KAZN: variants seen among roughly 807,000 people sequenced by gnomAD.
The protein encoded by KAZN is kazrin.
A neutral mutation model predicts 87.4 loss-of-function variants in KAZN; 40 were observed. The ratio of observed to expected loss-of-function variants is 0.46; its 90% CI spans 0.36 to 0.60. The LOEUF is 0.60. Among genes scored for constraint, KAZN ranks in the 20% least tolerant of loss-of-function variants. KAZN has a pLI of 0.00. For synonymous variants in KAZN, 466 were observed against 458.3 expected (o/e 1.02, Z -0.22); for missense variants, 898 against 1,073.9 (o/e 0.84, Z 2.29).
At chr1:14,940,755 A>G (rs1422169396) in intron 1 of KAZN, among the ~76,000 whole-genome samples, 1 of 152,258 alleles carries the variant, frequency 6.6e-6, no homozygotes, top group East Asian at 1.9e-4. Context: ...ACTCAAAGCC[A>G]TCAGGCAGCC....
At chr1:14,032,565 A>C (rs1641373884) in intron 1 of KAZN, among the ~76,000 whole-genome samples, 1 of 152,166 alleles carries the variant, frequency 6.6e-6, no homozygotes, top group Admixed American at 6.5e-5. Flanking sequence ...AAATGACTGC[A>C]GCAGGTTCCT....
intron 2 of KAZN, among the ~76,000 whole-genome samples, chr1:14,228,215 A>T (rs1311702737): frequency 5.3e-5 from 8 of 152,186 alleles, no homozygotes; most frequent in Admixed American, 2.0e-4. Flanking sequence ...GATGGCAATG[A>T]CAGCAGCAGT....
chr1:14,129,288 C>T (rs1052479298), intron 1 of KAZN, among the ~76,000 whole-genome samples: 2 of 152,190 alleles, frequency 1.3e-5, no homozygotes, highest in Admixed American at 6.5e-5. Context: ...TCTTTGGACC[C>T]CAGCTTTGTG....
chr1:14,347,257 A>G (rs908315589), intron 2 of KAZN, among the ~76,000 whole-genome samples: 2 of 152,210 alleles, frequency 1.3e-5, no homozygotes, highest in Non-Finnish European at 2.9e-5. Context: ...CCAGACTACC[A>G]TGAGCATGCT....
intron 2 of KAZN, among the ~76,000 whole-genome samples, chr1:14,287,583 G>A (rs1653352260): frequency 6.6e-6 from 1 of 152,218 alleles, no homozygotes; most frequent in African/African-American, 2.4e-5. Flanking sequence ...ATTTTGGGCT[G>A]AGACAATGGG....
intron 6 of KAZN, chr1:15,062,428 A>G (rs1284105359): frequency 6.6e-6 from 1 of 152,470 alleles, no homozygotes; most frequent in Non-Finnish European, 1.5e-5. Context: ...AACCCTTTTT[A>G]TCCCCCCATC....
chr1:13,992,039 T>C lies in KAZN; in HGVS notation c.91+98283T>C, dbSNP rs373351525. Among the ~76,000 whole-genome samples the C allele has an allele frequency of 9.8e-5, 15 of 152,314 alleles. No homozygotes were observed. In the East Asian group the frequency reaches 2.3e-3, roughly 24 times the overall value. ...CCAGATAACTTGCAGTTCCCCCAGC[T>C]AACTTCTATTCATCCTTACCTCTGC... is the stretch of plus-strand genomic sequence containing the variant. On this transcript the variant is annotated intron_variant, in intron 1 of 16. Coordinates refer to the KAZN transcript ENST00000636203.
At chr1:14,249,165 A>G (rs72865769) in intron 2 of KAZN, among the ~76,000 whole-genome samples, 5 of 152,204 alleles carry the variant, frequency 3.3e-5, no homozygotes, top group African/African-American at 1.2e-4. Flanking sequence ...GACAGGATCC[A>G]TGAGCACCAT....
intron 1 of KAZN, among the ~76,000 whole-genome samples, chr1:14,097,262 C>T (rs1644149586): frequency 6.6e-6 from 1 of 152,180 alleles, no homozygotes; most frequent in African/African-American, 2.4e-5. Context: ...GAAGCTATTG[C>T]CATAGTCCAG....
chr1:14,176,957 A>T (rs1361362792), intron 1 of KAZN, among the ~76,000 whole-genome samples: 1 of 152,174 alleles, frequency 6.6e-6, no homozygotes, highest in African/African-American at 2.4e-5. Flanking sequence ...CAGGAGTTCG[A>T]GACCAGCCTG....
At chr1:14,828,001 A>G (rs897154200) in intron 1 of KAZN, among the ~76,000 whole-genome samples, 1 of 152,258 alleles carries the variant, frequency 6.6e-6, no homozygotes, top group African/African-American at 2.4e-5. Flanking sequence ...TGCTGGAAAC[A>G]GAGGTCCAAT....
At chr1:14,748,498 C>CCGT (rs1255900599) in intron 1 of KAZN, among the ~76,000 whole-genome samples, 5 of 152,148 alleles carry the variant, frequency 3.3e-5, no homozygotes, top group African/African-American at 9.7e-5. Flanking sequence ...CTTTGTGCCT[C>CCGT]CGTCGTCTCA....
At chr1:14,723,562 A>T (rs1221447880) in intron 1 of KAZN, among the ~76,000 whole-genome samples, 1 of 152,220 alleles carries the variant, frequency 6.6e-6, no homozygotes, top group Admixed American at 6.5e-5. Context: ...AGGTACTGGA[A>T]CATTGGAACT....
At chr1:14,570,982 TC>T (rs1289034770) in intron 2 of KAZN, among the ~76,000 whole-genome samples, 1 of 152,162 alleles carries the variant, frequency 6.6e-6, no homozygotes, top group Non-Finnish European at 1.5e-5. Flanking sequence ...CTTCTCCCTG[TC>T]CTCTAGAAAC....
intron 1 of KAZN, among the ~76,000 whole-genome samples, chr1:14,733,851 C>T (rs1157676833): frequency 6.6e-6 from 1 of 152,160 alleles, no homozygotes; most frequent in African/African-American, 2.4e-5. Context: ...GGGTTTGGCC[C>T]CCCGATCAGC....
At chr1:14,728,767 C>T (rs1312499503) in intron 1 of KAZN, among the ~76,000 whole-genome samples, 2 of 152,152 alleles carry the variant, frequency 1.3e-5, no homozygotes, top group Admixed American at 6.5e-5. Flanking sequence ...ATCTCACAAA[C>T]GTCACTCCCT....
At chr1:15,022,953 C>T (rs1430378165) in intron 2 of KAZN, among the ~76,000 whole-genome samples, 2 of 152,234 alleles carry the variant, frequency 1.3e-5, no homozygotes, top group Admixed American at 1.3e-4. Context: ...CTTAAGCCCC[C>T]AGGTTACCTG....
intron 2 of KAZN, among the ~76,000 whole-genome samples, chr1:14,377,608 G>A (rs1034235519): frequency 6.6e-6 from 1 of 152,196 alleles, no homozygotes; most frequent in African/African-American, 2.4e-5. Context: ...CTGTCTACTG[G>A]TGAGTCATTG....
intron 2 of KAZN, among the ~76,000 whole-genome samples, chr1:14,480,267 G>C (rs778763380): frequency 1.3e-5 from 2 of 152,204 alleles, no homozygotes; most frequent in Admixed American, 1.3e-4. Flanking sequence ...TATAGGTCAG[G>C]TGGGCTCTGC....
Sources: gnomAD v4.1 joint callset for allele counts (sites outside exome capture counted in the v4.1 genomes callset) on GRCh38, gnomAD v4.1.1 for gene constraint, MANE v1.5 for transcripts, NCBI Gene and HGNC (gene_info 2026-07-23, HGNC 2026-07-21) for gene names.